LUZP2: variants seen among roughly 807,000 people sequenced by gnomAD.
The protein encoded by LUZP2 is leucine zipper protein 2.
In LUZP2, 52 loss-of-function variants were observed where a neutral mutation model predicts 51.6. The ratio of observed to expected loss-of-function variants is 1.01; its 90% confidence interval spans 0.81 to 1.27. The LOEUF (loss-of-function observed/expected upper bound fraction) is 1.27. Ranked by LOEUF, LUZP2 falls within the 50% of genes most tolerant of loss-of-function variation. The pLI is 0.00. For synonymous variants in LUZP2, 154 were observed against 137.3 expected (o/e 1.12, Z -0.85); for missense variants, 436 against 395.4 (o/e 1.10, Z -0.87).
chr11:24,870,490 G>GAC (rs202205920), intron 5 of LUZP2, among the ~76,000 whole-genome samples: 80,696 of 145,470 alleles, frequency 0.55, 22,135 homozygotes, highest in Middle Eastern at 0.66. Flanking sequence ...CACACACACA[G>GAC]ACACACACAC....
intron 5 of LUZP2, among the ~76,000 whole-genome samples, chr11:24,773,874 C>T (rs778668347): frequency 2.0e-5 from 3 of 152,082 alleles, no homozygotes; most frequent in Non-Finnish European, 2.9e-5. Context: ...CTTCAGTGCC[C>T]GAGGACCCTA....
intron 9 of LUZP2, among the ~76,000 whole-genome samples, chr11:24,995,479 C>T (rs947075328): frequency 1.3e-4 from 20 of 152,060 alleles, no homozygotes; most frequent in African/African-American, 4.3e-4. Context: ...TCATATTTAT[C>T]ATTTCTGGAC....
At position 24,570,062 on chromosome 11, in the gene LUZP2, C is replaced by T. The variant is rs75394727; in HGVS notation, c.62+72757C>T. On this transcript the variant is annotated intron_variant, in intron 1 of 11. Transcript: ENST00000336930. Reference sequence around the variant, plus strand: ...ATCAGAAGACTACTACACTTCTTAACAATGAGATGAACATAACCTTTTTTG... The same window carrying T: ...ATCAGAAGACTACTACACTTCTTAATAATGAGATGAACATAACCTTTTTTG... Among the ~76,000 whole-genome samples, 598 of 152,068 alleles carry T rather than the reference C, an allele frequency of 3.9e-3. 25 individuals carry two copies. The East Asian group carries it at 0.085, about 22-fold the overall frequency.
intron 5 of LUZP2, among the ~76,000 whole-genome samples, chr11:24,884,112 A>G (rs1251841921): frequency 6.6e-6 from 1 of 152,042 alleles, no homozygotes; most frequent in Non-Finnish European, 1.5e-5. Flanking sequence ...TAATGATTTT[A>G]TAGCAAATTT....
chr11:24,988,669 C>G (rs1012909331), intron 9 of LUZP2, among the ~76,000 whole-genome samples: 1 of 151,980 alleles, frequency 6.6e-6, no homozygotes, highest in Non-Finnish European at 1.5e-5. Flanking sequence ...TTATAAGATT[C>G]TTTTAACAGC....
At chr11:24,807,559 T>A (rs1327323323) in intron 5 of LUZP2, among the ~76,000 whole-genome samples, 1 of 152,130 alleles carries the variant, frequency 6.6e-6, no homozygotes, top group African/African-American at 2.4e-5. Context: ...AAAGCTGTAT[T>A]TTTGTGCTCA....
In LUZP2 at chr11:24,534,565, G is replaced by T. The variant is rs1028758805; in HGVS notation, c.62+37260G>T. The stretch of plus-strand genomic sequence containing the variant: ...GAAAGCATATTTATATATAGAGAGA[G>T]TAAACACATTTAAAAGGATAAAGTA... On this transcript the variant is annotated intron_variant, in intron 1 of 11. Transcript: ENST00000336930. Among the ~76,000 whole-genome samples the T allele has an allele frequency of 7.9e-5, 12 of 151,180 alleles. 1 individual carries two copies. Among genetic ancestry groups the T allele is most frequent in the Non-Finnish European group, 1.5e-4 (10 of 67,482 alleles).
chr11:24,960,122 C>T (rs1232090716), intron 7 of LUZP2, among the ~76,000 whole-genome samples: 1 of 152,092 alleles, frequency 6.6e-6, no homozygotes, highest in Non-Finnish European at 1.5e-5. Flanking sequence ...GGTGGATAAG[C>T]TTTTTGATGT....
At chr11:24,532,007 A>T (rs534491689) in intron 1 of LUZP2, among the ~76,000 whole-genome samples, 1 of 151,200 alleles carries the variant, frequency 6.6e-6, no homozygotes, top group Non-Finnish European at 1.5e-5. Context: ...TAAATGAAGA[A>T]TTCTGTTTTT....
intron 1 of LUZP2, among the ~76,000 whole-genome samples, chr11:24,547,314 A>G (rs1851585255): frequency 6.6e-6 from 1 of 152,190 alleles, no homozygotes; most frequent in Non-Finnish European, 1.5e-5. Flanking sequence ...CTGACTTCAA[A>G]CTGTACTACA....
intron 7 of LUZP2, among the ~76,000 whole-genome samples, chr11:24,925,368 C>T (rs921309112): frequency 6.6e-6 from 1 of 152,136 alleles, no homozygotes; most frequent in Non-Finnish European, 1.5e-5. Flanking sequence ...TTCAATTGGT[C>T]AGGGGGCTTA....
In LUZP2 at chr11:25,078,704, T is replaced by TA; in HGVS notation, c.*47dup. 7.2e-7 allele frequency: 1 copy of TA among 1,398,578 alleles called. No individual in the cohort carries two copies. Among genetic ancestry groups the TA allele is most frequent in the Non-Finnish European group, 1.0e-6 (1 of 1,004,966 alleles). The allele number at this position is 1,398,578 out of a possible 1,614,324, so 86.6% of individuals were successfully genotyped here. A position where few individuals can be genotyped will look rare whatever the true frequency, so the allele number is the denominator to read the frequency against. ...AAACGTCCATTTGCTATTGTCTTCATATTCTTTTTAGACCACAAGCTTGAT... is the reference window on the plus strand; with the variant it reads ...AAACGTCCATTTGCTATTGTCTTCATAATTCTTTTTAGACCACAAGCTTGAT... On this transcript the variant is annotated 3_prime_UTR_variant, in exon 12 of 12. Transcript: ENST00000336930.
intron 9 of LUZP2, among the ~76,000 whole-genome samples, chr11:25,009,166 A>G (rs549626312): frequency 1.3e-5 from 2 of 152,308 alleles, no homozygotes; most frequent in South Asian, 4.1e-4. Flanking sequence ...AATTTTGAGG[A>G]GGGAGGAACA....
intron 1 of LUZP2, among the ~76,000 whole-genome samples, chr11:24,531,370 G>A (rs994001146): frequency 1.3e-5 from 2 of 150,848 alleles, no homozygotes; most frequent in South Asian, 4.2e-4. Flanking sequence ...TGAATGTAAT[G>A]TATAAATATC....
chr11:24,918,653 A>G (rs1853884156), intron 7 of LUZP2, among the ~76,000 whole-genome samples: 1 of 151,678 alleles, frequency 6.6e-6, no homozygotes, highest in Non-Finnish European at 1.5e-5. Flanking sequence ...AAAAAATCCT[A>G]AATATTATTT....
intron 7 of LUZP2, among the ~76,000 whole-genome samples, chr11:24,956,386 T>A (rs373172390): frequency 2.6e-5 from 4 of 152,100 alleles, no homozygotes; most frequent in Admixed American, 1.3e-4. Context: ...GATTTCTTAT[T>A]TCTAGAATTT....
At chr11:24,955,607 G>A (rs1431825370) in intron 7 of LUZP2, among the ~76,000 whole-genome samples, 1 of 151,960 alleles carries the variant, frequency 6.6e-6, no homozygotes, top group Non-Finnish European at 1.5e-5. Flanking sequence ...CTTGTGATGT[G>A]ACTTTACACA....
chr11:24,916,266 A>G (rs1307996090), intron 7 of LUZP2, among the ~76,000 whole-genome samples: 1 of 151,930 alleles, frequency 6.6e-6, no homozygotes, highest in African/African-American at 2.4e-5. Flanking sequence ...CCTTGATTCC[A>G]TTTGGAGCTG....
At chr11:24,724,061 G>A (rs942175441) in intron 1 of LUZP2, among the ~76,000 whole-genome samples, 10 of 152,088 alleles carry the variant, frequency 6.6e-5, no homozygotes, top group East Asian at 1.9e-4. Context: ...AATGGGTGCC[G>A]TCAAAGAAAA....
Sources: allele counts gnomAD v4.1 joint callset (sites outside exome capture counted in the v4.1 genomes callset), GRCh38; gene constraint gnomAD v4.1.1; transcripts MANE v1.5; gene names NCBI Gene and HGNC (gene_info 2026-07-23, HGNC 2026-07-21).